Variants in HMGCLL1 observed in about 807,000 individuals in gnomAD.
The protein encoded by HMGCLL1 is 3-hydroxy-3-methylglutaryl-CoA lyase like 1.
HMGCLL1 carries 36 observed loss-of-function variants against 39.1 expected under a neutral mutation model. The ratio of observed to expected loss-of-function variants is 0.92; its 90% confidence interval spans 0.71 to 1.22. The LOEUF (loss-of-function observed/expected upper bound fraction) is 1.22. HMGCLL1 is among the 50% of genes most tolerant of loss of function. HMGCLL1 has a pLI of 0.00. For synonymous variants in HMGCLL1, 149 were observed against 144.0 expected, an observed-to-expected ratio of 1.03 and a Z score of -0.25; for missense variants, 451 against 416.5, an observed-to-expected ratio of 1.08 and a Z score of -0.72.
intron 1 of HMGCLL1, chr6:55,576,989 C>CAAACAGTAATCA (rs1771789169): frequency 6.5e-7 from 1 of 1,546,074 alleles, no homozygotes; most frequent in Admixed American, 1.7e-5. Context: ...CACTGGTACA[C>CAAACAGTAATCA]AAACAGTAAT....
At chr6:55,499,424 T>G in intron 5 of HMGCLL1, 125 bp from the exon 6 acceptor site, 1 of 635,310 alleles carries the variant, frequency 1.6e-6, no homozygotes, top group Middle Eastern at 4.2e-4. Context: ...TTTATTATTA[T>G]TTTGTCATTG....
intron 7 of HMGCLL1, among the ~76,000 whole-genome samples, chr6:55,493,584 G>A (rs952203172): frequency 6.6e-6 from 1 of 151,910 alleles, no homozygotes; most frequent in East Asian, 1.9e-4. Flanking sequence ...TTAATTACTA[G>A]GACATAATCC....
the HMGCLL1 span, among the ~76,000 whole-genome samples, chr6:55,614,454 T>C: frequency 2.6e-5 from 4 of 152,134 alleles, no homozygotes; most frequent in East Asian, 1.9e-4. Context: ...TCCAGAACTA[T>C]GAGAAATAAA....
At chr6:55,616,199 A>C in the HMGCLL1 span, among the ~76,000 whole-genome samples, 1 of 152,042 alleles carries the variant, frequency 6.6e-6, no homozygotes, top group Non-Finnish European at 1.5e-5. Flanking sequence ...TATGTTTGCT[A>C]TGGGATTTGC....
At chr6:55,459,346 AAG>A in intron 7 of HMGCLL1, among the ~76,000 whole-genome samples, 1 of 152,156 alleles carries the variant, frequency 6.6e-6, no homozygotes, top group African/African-American at 2.4e-5. Context: ...TTAAGAGTTT[AAG>A]GGGGAAGAAA....
chr6:55,454,475 C>G (rs1404383081), intron 7 of HMGCLL1, among the ~76,000 whole-genome samples: 1 of 152,188 alleles, frequency 6.6e-6, no homozygotes, highest in African/African-American at 2.4e-5. Context: ...ACAGAACACT[C>G]AAACCTGGCA....
chr6:55,440,701 A>G (rs1047100655), intron 7 of HMGCLL1, among the ~76,000 whole-genome samples: 6 of 152,190 alleles, frequency 3.9e-5, no homozygotes, highest in African/African-American at 1.4e-4. Context: ...AGCTCTTTCC[A>G]ACCAACTATA....
At chr6:55,494,180 G>A (rs1766465590) in intron 7 of HMGCLL1, among the ~76,000 whole-genome samples, 1 of 152,140 alleles carries the variant, frequency 6.6e-6, no homozygotes, top group Admixed American at 6.5e-5. Flanking sequence ...GCAGAAGTTT[G>A]GGCAGGTCCC....
rs372303548 is a variant in HMGCLL1 at position 55,463,129 on chromosome 6, C to T, written c.796-23570G>A. On this transcript the variant is annotated intron_variant, in intron 7 of 8. Coordinates refer to ENST00000274901, the MANE Select transcript of HMGCLL1 (RefSeq NM_001042406.2). ...CACTGCAACCTCCGCCTCCTGGGTTCAAGCAATTCTCCTGCCTCAACCTCC... is the reference window on the plus strand; with the variant it reads ...CACTGCAACCTCCGCCTCCTGGGTTTAAGCAATTCTCCTGCCTCAACCTCC... 4.5e-4 allele frequency among the ~76,000 whole-genome samples: 68 copies of T among 150,792 alleles called. 1 individual carries two copies. The South Asian group carries it at 0.014, about 30-fold the overall frequency.
rs1025874645 is a variant in HMGCLL1 at position 55,579,180 on chromosome 6, A to T, written c.-125T>A. 1.4e-6 allele frequency: 1 copy of T among 740,304 alleles called. No homozygotes were observed. Among genetic ancestry groups the T allele is most frequent in the Non-Finnish European group, 2.3e-6 (1 of 435,118 alleles). 45.9% of individuals were successfully genotyped at this position (740,304 alleles called of 1,614,324 possible). A position where few individuals can be genotyped will look rare whatever the true frequency, so the allele number is the denominator to read the frequency against. On this transcript the variant is annotated 5_prime_UTR_variant, in exon 1 of 9. Coordinates refer to ENST00000274901, the MANE Select transcript of HMGCLL1 (RefSeq NM_001042406.2). Reference sequence around the variant, plus strand: ...CTCCGGTGCACTGGCTGTGAGGACCAGAGCTGTTCTGCGCACTGCGGCGGC... The same window carrying T: ...CTCCGGTGCACTGGCTGTGAGGACCTGAGCTGTTCTGCGCACTGCGGCGGC...
Position 55,554,819 on chromosome 6 carries a change from C to T in HMGCLL1, c.109-12679G>A, listed in dbSNP as rs924179538. 2.6e-5 allele frequency among the ~76,000 whole-genome samples: 4 copies of T among 152,176 alleles called. No individual in the cohort carries two copies. In the East Asian group the frequency reaches 7.7e-4, roughly 29 times the overall value. The stretch of plus-strand genomic sequence containing the variant: ...TACATTCTGTTCTCCCACAGACTTC[C>T]TGTTCTTTGGAAATACACATGAACT... On this transcript the variant is annotated intron_variant, in intron 1 of 8. Coordinates refer to ENST00000274901, the MANE Select transcript of HMGCLL1 (RefSeq NM_001042406.2).
At chr6:55,664,268 G>A in the HMGCLL1 span, among the ~76,000 whole-genome samples, 1 of 151,722 alleles carries the variant, frequency 6.6e-6, no homozygotes, top group South Asian at 2.1e-4. Flanking sequence ...CATAGTGTCA[G>A]TGTTCTGTGT....
At position 55,576,257 on chromosome 6, in the gene HMGCLL1, G is replaced by T. The variant is rs540539439; in HGVS notation, c.108+2691C>A. On this transcript the variant is annotated intron_variant, in intron 1 of 8. Transcript: ENST00000274901. ...CAAGTTGAGGGCGGAAGATTAATTAGAAGTTAATTTGTTGAAAACAATCTT... is the reference window on the plus strand; with the variant it reads ...CAAGTTGAGGGCGGAAGATTAATTATAAGTTAATTTGTTGAAAACAATCTT... Among the ~76,000 whole-genome samples, 21 of 152,288 alleles carry T rather than the reference G, an allele frequency of 1.4e-4. No homozygotes were observed. The East Asian group carries it at 3.9e-3, about 28-fold the overall frequency.
chr6:55,572,693 G>T (rs958685296), intron 1 of HMGCLL1, among the ~76,000 whole-genome samples: 2 of 152,046 alleles, frequency 1.3e-5, no homozygotes, highest in African/African-American at 4.8e-5. Flanking sequence ...TATGGTAAAT[G>T]AATATATTTT....
At chr6:55,522,833 T>C (rs1768106051) in intron 3 of HMGCLL1, among the ~76,000 whole-genome samples, 1 of 152,010 alleles carries the variant, frequency 6.6e-6, no homozygotes, top group East Asian at 1.9e-4. Flanking sequence ...ATTCAGTGTG[T>C]TTTTGTAGCT....
At chr6:55,666,140 T>C in the HMGCLL1 span, among the ~76,000 whole-genome samples, 2 of 151,710 alleles carry the variant, frequency 1.3e-5, no homozygotes, top group Admixed American at 1.3e-4. Flanking sequence ...CCCTCTTTTT[T>C]TTGGTTCTGA....
intron 3 of HMGCLL1, among the ~76,000 whole-genome samples, chr6:55,529,358 G>A (rs1201579707): frequency 6.6e-6 from 1 of 152,076 alleles, no homozygotes; most frequent in Non-Finnish European, 1.5e-5. Context: ...TATACAGACT[G>A]TAAACAAAGT....
chr6:55,481,068 A>G (rs1765719969), intron 7 of HMGCLL1, among the ~76,000 whole-genome samples: 1 of 152,134 alleles, frequency 6.6e-6, no homozygotes, highest in East Asian at 1.9e-4. Flanking sequence ...ATAGCATAAC[A>G]AATGACTACA....
chr6:55,449,878 CCT>C (rs2127387910), intron 7 of HMGCLL1, among the ~76,000 whole-genome samples: 1 of 152,122 alleles, frequency 6.6e-6, no homozygotes, highest in Non-Finnish European at 1.5e-5. Flanking sequence ...CTCGTGTTTC[CCT>C]GTTACTTTTA....
Sources: allele counts gnomAD v4.1 joint callset (sites outside exome capture counted in the v4.1 genomes callset), GRCh38; gene constraint gnomAD v4.1.1; transcripts MANE v1.5; gene names NCBI Gene and HGNC (gene_info 2026-07-23, HGNC 2026-07-21).